The following RC3H2 variants were observed in gnomAD, a reference collection of about 807,000 sequenced individuals.
RC3H2 encodes ring finger and CCCH-type domains 2.
Under a neutral mutation model 133.3 loss-of-function variants are expected in RC3H2, and 31 were observed. The observed-to-expected ratio is 0.23, with a 90% confidence interval of 0.17 to 0.31. The LOEUF (loss-of-function observed/expected upper bound fraction) is 0.31, where lower values mean the gene tolerates loss of function less well. Ranked by LOEUF, RC3H2 falls within the 10% of genes least tolerant of loss-of-function variation. The pLI is 1.00. For missense variants in RC3H2, 1,175 were observed against 1,437.2 expected (o/e 0.82, Z 2.95); for synonymous variants, 517 against 502.2 (o/e 1.03, Z -0.40).
At chr9:122,902,213 G>C (rs1012714717) in intron 1 of RC3H2, among the ~76,000 whole-genome samples, 1 of 152,172 alleles carries the variant, frequency 6.6e-6, no homozygotes, top group Admixed American at 6.5e-5. Flanking sequence ...TTACAGGCGT[G>C]AGCCACCGCG....
At chr9:122,893,423 G>A (rs1235719834) in intron 2 of RC3H2, among the ~76,000 whole-genome samples, 2 of 152,172 alleles carry the variant, frequency 1.3e-5, no homozygotes. Flanking sequence ...GAACCCGGGA[G>A]GCTGAGGTTG....
At position 122,879,782 on chromosome 9, in the gene RC3H2, A is replaced by G; in HGVS notation, c.1185T>C (p.Tyr395=). 3 of 1,612,686 alleles carry G rather than the reference A, an allele frequency of 1.9e-6. No homozygotes were observed. Among genetic ancestry groups the G allele is most frequent in the South Asian group, 1.1e-5 (1 of 90,958 alleles). Residue 395 remains tyrosine (Y), a synonymous_variant, in exon 8 of 21, where the codon TAT becomes TAC. Transcript: ENST00000357244. The part of the protein sequence containing the change: ...VHGLVDFIQN[Y]SRKGHETPQP... ...GAGGGGTCTCATGGCCTTTTCTACTATAATTTTGTATGAAGTCCACAAGGC... is the reference window on the plus strand; with the variant it reads ...GAGGGGTCTCATGGCCTTTTCTACTGTAATTTTGTATGAAGTCCACAAGGC...
At chr9:122,850,458 A>AGATAGATAGATAGATAGAT (rs1564279690) in intron 20 of RC3H2, among the ~76,000 whole-genome samples, 3 of 151,642 alleles carry the variant, frequency 2.0e-5, no homozygotes, top group East Asian at 2.0e-4. Context: ...ATAGATAGAT[A>AGATAGATAGATAGATAGAT]ATTTTGAGAT....
chr9:122,857,425 C>T (rs1171676375), intron 13 of RC3H2, among the ~76,000 whole-genome samples: 1 of 152,144 alleles, frequency 6.6e-6, no homozygotes, highest in Non-Finnish European at 1.5e-5. Context: ...GGTATTTCTG[C>T]ACTTCTTGTT....
At chr9:122,875,528 G>C (rs1341617257) in intron 9 of RC3H2, among the ~76,000 whole-genome samples, 1 of 152,152 alleles carries the variant, frequency 6.6e-6, no homozygotes, top group African/African-American at 2.4e-5. Context: ...AGATTCTGTG[G>C]CCCACAAAGC....
chr9:122,852,786 C>T (rs1428285650), intron 18 of RC3H2, among the ~76,000 whole-genome samples: 9 of 151,814 alleles, frequency 5.9e-5, no homozygotes, highest in East Asian at 2.0e-4. Flanking sequence ...CCTGGCCAGC[C>T]GCCCCATCCG....
At position 122,853,846 on chromosome 9, in the gene RC3H2, C is replaced by A. The variant is rs376995909; in HGVS notation, c.3117+106G>T. 10 of 1,592,632 alleles carry A rather than the reference C, an allele frequency of 6.3e-6. No individual in the cohort carries two copies. In the African/African-American group the frequency reaches 9.4e-5, roughly 15 times the overall value. ...TAAGTTTTAAAAGCAATCAATCATC[C>A]ATCAGAGATAGGCACACCAAAATGC... On this transcript the variant is annotated intron_variant, in intron 18 of 20. Coordinates refer to ENST00000357244, the MANE Select transcript of RC3H2 (RefSeq NM_001100588.3).
chr9:122,849,677 T>C lies in RC3H2; in HGVS notation c.3526A>G (p.Lys1176Glu), dbSNP rs769507491. ...GCAACAGGTTTTAAAAAGTCGTTTT[T>C]ATCTTCAGACATAACATGAGTTTTC... is the stretch of plus-strand genomic sequence containing the variant. ...ILKTHVMSED[K>E]NDFLKPVANG... Residue 1176 changes from lysine (K) to glutamate (E), a missense_variant, in exon 21 of 21, where the codon AAA becomes GAA. By Grantham distance (56) the Lys-to-Glu change is moderately conservative (BLOSUM62 1). This residue lies in a region of RC3H2 where 220 missense variants were observed against 201.1 expected (regional missense o/e 1.09). Transcript: ENST00000357244. The C allele has an allele frequency of 6.2e-7, 1 of 1,613,690 alleles. No individual in the cohort carries two copies. Among genetic ancestry groups the C allele is most frequent in the Non-Finnish European group, 8.5e-7 (1 of 1,179,888 alleles).
intron 20 of RC3H2, 84 bp downstream of exon 20, chr9:122,850,997 A>G (rs1230450451): frequency 2.5e-5 from 37 of 1,497,774 alleles, no homozygotes; most frequent in Non-Finnish European, 3.3e-5. Context: ...CCCTCACAGC[A>G]TAAAGCCAAA....
At chr9:122,878,108 C>G (rs1190311198) in intron 8 of RC3H2, among the ~76,000 whole-genome samples, 1 of 152,156 alleles carries the variant, frequency 6.6e-6, no homozygotes, top group Non-Finnish European at 1.5e-5. Flanking sequence ...ATTACTTCTA[C>G]AATTTGCATC....
chr9:122,876,607 G>A (rs1322010766), intron 9 of RC3H2, among the ~76,000 whole-genome samples: 11 of 149,228 alleles, frequency 7.4e-5, no homozygotes, highest in Non-Finnish European at 1.5e-4. Flanking sequence ...CACCCTGGGC[G>A]ACAGAGCAAG....
At chr9:122,863,764 C>T (rs1564290996) in intron 10 of RC3H2, among the ~76,000 whole-genome samples, 1 of 151,520 alleles carries the variant, frequency 6.6e-6, no homozygotes, top group Non-Finnish European at 1.5e-5. Flanking sequence ...GAGATGGAGT[C>T]TCACTCTTGT....
At chr9:122,859,623 C>G (rs1340925861) in intron 11 of RC3H2, among the ~76,000 whole-genome samples, 11 of 152,158 alleles carry the variant, frequency 7.2e-5, no homozygotes. Context: ...GTTGTTCACT[C>G]TCTTTCCAAA....
chr9:122,875,503 CTGAGTGGT>C (rs1831296663), intron 9 of RC3H2: 2 of 1,276,338 alleles, frequency 1.6e-6, no homozygotes, highest in South Asian at 3.9e-5. Context: ...AGTGGCACTG[CTGAGTGGT>C]TGTAACAGAT....
intron 9 of RC3H2, chr9:122,874,961 T>C: frequency 4.2e-6 from 2 of 476,118 alleles, no homozygotes; most frequent in Non-Finnish European, 7.3e-6. Context: ...TGGGCACTAA[T>C]TGAGGGTGGA....
At chr9:122,895,071 A>C (rs1832360291) in intron 2 of RC3H2, among the ~76,000 whole-genome samples, 1 of 152,212 alleles carries the variant, frequency 6.6e-6, no homozygotes, top group South Asian at 2.1e-4. Context: ...ACCTGTAGGC[A>C]ATTTAAGAAC....
intron 10 of RC3H2, among the ~76,000 whole-genome samples, chr9:122,864,020 A>G (rs1352157621): frequency 6.6e-6 from 1 of 152,220 alleles, no homozygotes; most frequent in East Asian, 1.9e-4. Context: ...TACAGGCCTG[A>G]GCCACCGTGC....
At chr9:122,883,465 T>C in intron 4 of RC3H2, 86 bp from the exon 5 acceptor site, 1 of 984,232 alleles carries the variant, frequency 1.0e-6, no homozygotes, top group South Asian at 2.0e-5. Context: ...GGTATTAGAG[T>C]TTATAGTGGC....
chr9:122,856,136 A>G (rs1830239272), intron 13 of RC3H2, among the ~76,000 whole-genome samples: 1 of 152,192 alleles, frequency 6.6e-6, no homozygotes, highest in South Asian at 2.1e-4. Flanking sequence ...CAATTAACAA[A>G]TATTTATAGT....
Sources: allele counts gnomAD v4.1 joint callset (sites outside exome capture counted in the v4.1 genomes callset), GRCh38; gene constraint gnomAD v4.1.1; regional missense constraint gnomAD v4.1.1; transcripts MANE v1.5; gene names NCBI Gene and HGNC (gene_info 2026-07-23, HGNC 2026-07-21).